FAM3D: variants seen among roughly 807,000 people sequenced by gnomAD.
FAM3D encodes the protein FAM3 metabolism regulating signaling molecule D, also known as protein FAM3D.
A neutral mutation model predicts 29.8 loss-of-function variants in FAM3D; 26 were observed. The observed-to-expected ratio is 0.87, with a 90% CI of 0.64 to 1.21. FAM3D has a LOEUF of 1.21. FAM3D is among the 50% of genes most tolerant of loss of function. FAM3D has a pLI of 0.00. For missense variants in FAM3D, 253 were observed against 290.9 expected (o/e 0.87, Z 0.95); for synonymous variants, 115 against 102.3 (o/e 1.12, Z -0.75).
At position 58,634,517 on chromosome 3, in the gene FAM3D, G is replaced by T. The variant is rs1408925390; in HGVS notation, c.586-149C>A. ...TGGGGAAACTGAGGCTCAGAGAGGG[G>T]ATGCAACTTGCTCAAGATCTCAGAG... On this transcript the variant is annotated intron_variant, in intron 9 of 9. Transcript: ENST00000358781. This position sits in a 1 kb window ranked among gnomAD's most constrained non-coding sequence, Gnocchi z 4.6. 2.0e-5 allele frequency: 13 copies of T among 641,758 alleles called. No individual in the cohort carries two copies. The highest frequency in any genetic ancestry group is 1.8e-4 in the East Asian group (6 of 33,810). The allele number at this position is 641,758 out of a possible 1,614,324, so 39.8% of individuals were successfully genotyped here.
chr3:58,655,506 C>T (rs1267022006), intron 2 of FAM3D, 45 bp downstream of exon 2: 1 of 1,611,806 alleles, frequency 6.2e-7, no homozygotes, highest in African/African-American at 1.3e-5. Context: ...GATGGGTGGA[C>T]ACAGCTGACA....
intron 6 of FAM3D, among the ~76,000 whole-genome samples, chr3:58,643,168 G>T (rs186543830): frequency 3.3e-5 from 5 of 152,332 alleles, no homozygotes; most frequent in Non-Finnish European, 4.4e-5. Context: ...CATTGAGATT[G>T]TTTGTGAGCC....
chr3:58,637,098 T>C (rs762533509), intron 8 of FAM3D, 43 bp downstream of exon 8: 6 of 1,551,460 alleles, frequency 3.9e-6, no homozygotes, highest in Middle Eastern at 1.7e-4. Flanking sequence ...AGGTATTCAG[T>C]TTGCATCACT....
chr3:58,640,126 C>T lies in FAM3D; in HGVS notation c.373+1G>A. 1 of 1,614,204 alleles carries T rather than the reference C, an allele frequency of 6.2e-7. No individual in the cohort carries two copies. The highest frequency in any genetic ancestry group is 8.5e-7 in the Non-Finnish European group (1 of 1,180,028). On this transcript the variant is annotated splice_donor_variant, in intron 7 of 9. Coordinates refer to ENST00000358781, the MANE Select transcript of FAM3D (RefSeq NM_138805.3). LOFTEE classifies it high-confidence loss of function. ...ACTTCAGTGTCAGCAGAGGCACCTA[C>T]CTCCAGAGTACATGTCAAATGCCTT...
At chr3:58,642,600 C>A (rs2106770121) in intron 6 of FAM3D, among the ~76,000 whole-genome samples, 1 of 152,290 alleles carries the variant, frequency 6.6e-6, no homozygotes, top group South Asian at 2.1e-4. Flanking sequence ...CCTTACCTGA[C>A]CCTGTAAGTC....
chr3:58,649,163 A>C (rs1205832806), intron 4 of FAM3D, 152 bp downstream of exon 4: 2 of 935,856 alleles, frequency 2.1e-6, no homozygotes, highest in Admixed American at 2.9e-5. Flanking sequence ...GGGCCATGGG[A>C]GGAGAGGACT....
chr3:58,637,176 C>A lies in FAM3D; in HGVS notation c.423G>T (p.Leu141=), dbSNP rs941291321. 9.3e-6 allele frequency: 15 copies of A among 1,613,946 alleles called. No individual in the cohort carries two copies. Among genetic ancestry groups the A allele is most frequent in the Middle Eastern group, 1.6e-4 (1 of 6,078 alleles). Residue 141 remains leucine (L), a synonymous_variant, in exon 8 of 10, where the codon CTG becomes CTT. Coordinates refer to ENST00000358781, the MANE Select transcript of FAM3D (RefSeq NM_138805.3). The part of the protein sequence containing the change: ...KFLKEIPGGA[L]VLVASYDDPG... ...GATCGTCGTAGGAGGCCACCAGCAC[C>A]AGTGCACCCCCCGGAATTTCTTTAA...
rs1575464433 is a variant in FAM3D, at chr3:58,634,106, G to C, written c.*173C>G. On this transcript the variant is annotated 3_prime_UTR_variant, in exon 10 of 10. Coordinates refer to ENST00000358781, the MANE Select transcript of FAM3D (RefSeq NM_138805.3). This position sits in a 1 kb window ranked among gnomAD's most constrained non-coding sequence, Gnocchi z 4.6. ...GAGGCTGGTCTTCCGGGTAGGATGT[G>C]CTGTGGGAGGGTTCTGTTTCCGAGG... The C allele has an allele frequency of 1.0e-5, 6 of 586,430 alleles. No homozygotes were observed. In the East Asian group the frequency reaches 1.8e-4, roughly 18 times the overall value. The allele number at this position is 586,430 out of a possible 1,614,324, so 36.3% of individuals were successfully genotyped here.
intron 1 of FAM3D, 30 bp from the exon 2 acceptor site, chr3:58,655,631 C>G: frequency 1.3e-6 from 2 of 1,583,238 alleles, no homozygotes; most frequent in Non-Finnish European, 8.6e-7. Flanking sequence ...CAGTCGGAAA[C>G]TGGCATCAGG....
rs941291321 is a variant in FAM3D, at chr3:58,637,176, C to G, written c.423G>C (p.Leu141=). 4 of 1,613,946 alleles carry G rather than the reference C, an allele frequency of 2.5e-6. No individual in the cohort carries two copies. The highest frequency in any genetic ancestry group is 8.5e-7 in the Non-Finnish European group (1 of 1,180,008). Residue 141 remains leucine, a synonymous_variant, in exon 8 of 10, where the codon CTG becomes CTC. Transcript: ENST00000358781. ...GATCGTCGTAGGAGGCCACCAGCAC[C>G]AGTGCACCCCCCGGAATTTCTTTAA... ...KFLKEIPGGA[L]VLVASYDDPG...
chr3:58,660,589 T>G (rs2066910820), intron 1 of FAM3D, among the ~76,000 whole-genome samples: 1 of 152,218 alleles, frequency 6.6e-6, no homozygotes, highest in Non-Finnish European at 1.5e-5. Context: ...AGAAGCCCAT[T>G]ATTCCCATTA....
intron 7 of FAM3D, among the ~76,000 whole-genome samples, chr3:58,639,598 G>A (rs77633796): frequency 6.8e-6 from 1 of 147,914 alleles, no homozygotes; most frequent in Non-Finnish European, 1.5e-5. Context: ...CACTTCAGTG[G>A]GCCCATCCAG....
intron 6 of FAM3D, among the ~76,000 whole-genome samples, chr3:58,641,340 T>C (rs1354716708): frequency 2.0e-5 from 3 of 151,990 alleles, no homozygotes; most frequent in African/African-American, 7.2e-5. Context: ...TTTTATAGGC[T>C]GTGTGACCTT....
chr3:58,660,951 A>G lies in FAM3D; in HGVS notation c.-38-5350T>C, dbSNP rs189744031. On this transcript the variant is annotated intron_variant, in intron 1 of 9. Coordinates refer to ENST00000358781, the MANE Select transcript of FAM3D (RefSeq NM_138805.3). ...ATAAACCCAGGCGATATGTGTCAGG[A>G]GACCACACATTCTTAACCACTTTGC... Among the ~76,000 whole-genome samples, 373 of 152,314 alleles carry G rather than the reference A, an allele frequency of 2.4e-3. 1 individual carries two copies. The highest frequency in any genetic ancestry group is 4.6e-3 in the Admixed American group (71 of 15,302).
chr3:58,644,732 G>A (rs1019366162), intron 5 of FAM3D, among the ~76,000 whole-genome samples: 9 of 152,106 alleles, frequency 5.9e-5, no homozygotes, highest in African/African-American at 1.4e-4. Context: ...CCAGCTGGTG[G>A]TCTCCCTCTT....
intron 3 of FAM3D, among the ~76,000 whole-genome samples, chr3:58,652,672 A>G (rs2066673746): frequency 6.6e-6 from 1 of 151,666 alleles, no homozygotes; most frequent in Admixed American, 6.6e-5. Flanking sequence ...CCATCTATCC[A>G]TCCAGCCATT....
At position 58,640,189 on chromosome 3, in the gene FAM3D, G is replaced by C. The variant is rs757904749; in HGVS notation, c.323-12C>G. 3 of 1,614,070 alleles carry C rather than the reference G, an allele frequency of 1.9e-6. No individual in the cohort carries two copies. Among genetic ancestry groups the C allele is most frequent in the Non-Finnish European group, 2.5e-6 (3 of 1,179,926 alleles). On this transcript the variant is annotated splice_polypyrimidine_tract_variant and intron_variant, in intron 6 of 9. Transcript: ENST00000358781. ...AGCTCCCGTGGTTCCTAGGGGTTAA[G>C]AGGAGAACGATTATCCCCTGTAACA...
At chr3:58,659,380 G>C (rs1354777173) in intron 1 of FAM3D, among the ~76,000 whole-genome samples, 2 of 152,190 alleles carry the variant, frequency 1.3e-5, no homozygotes, top group Admixed American at 1.3e-4. Context: ...ACTTCCTGTT[G>C]CCTGCGGCCT....
At chr3:58,642,012 G>A (rs2106763746) in intron 6 of FAM3D, among the ~76,000 whole-genome samples, 1 of 152,292 alleles carries the variant, frequency 6.6e-6, no homozygotes, top group South Asian at 2.1e-4. Context: ...GAGTGTTGAT[G>A]TATGCTGAGG....
Sources: allele counts gnomAD v4.1 joint callset (sites outside exome capture counted in the v4.1 genomes callset), GRCh38; gene constraint gnomAD v4.1.1; non-coding constraint Gnocchi (gnomAD v3.1); transcripts MANE v1.5; gene names NCBI Gene and HGNC (gene_info 2026-07-23, HGNC 2026-07-21).